SSBP2: variants seen among roughly 807,000 people sequenced by gnomAD.
SSBP2 encodes single stranded DNA binding protein 2.
SSBP2 carries 17 observed loss-of-function variants against 61.8 expected under a neutral mutation model. The observed-to-expected ratio is 0.28, with a 90% confidence interval of 0.19 to 0.41. The LOEUF (loss-of-function observed/expected upper bound fraction) is 0.41, where lower values mean the gene tolerates loss of function less well. Among genes scored for constraint, SSBP2 ranks in the 10% least tolerant of loss-of-function variants. The pLI, the probability that SSBP2 is intolerant of heterozygous loss-of-function variation, is 1.00. For synonymous variants in SSBP2, 139 were observed against 141.3 expected, an observed-to-expected ratio of 0.98 and a Z score of 0.12; for missense variants, 310 against 458.7, an observed-to-expected ratio of 0.68 and a Z score of 2.96.
chr5:81,685,743 T>A (rs895890068), intron 1 of SSBP2, among the ~76,000 whole-genome samples: 3 of 152,140 alleles, frequency 2.0e-5, no homozygotes, highest in Non-Finnish European at 4.4e-5. Context: ...CAGATGGGGT[T>A]CTAGATACCT....
intron 4 of SSBP2, among the ~76,000 whole-genome samples, chr5:81,590,890 C>G (rs943130645): frequency 6.6e-6 from 1 of 152,128 alleles, no homozygotes; most frequent in Non-Finnish European, 1.5e-5. Flanking sequence ...CATTCTAAAC[C>G]AGGACGTCCC....
intron 4 of SSBP2, among the ~76,000 whole-genome samples, chr5:81,553,376 G>A (rs1161543668): frequency 4.6e-5 from 7 of 152,050 alleles, no homozygotes; most frequent in Non-Finnish European, 7.4e-5. Flanking sequence ...AAGGGAAATA[G>A]CAGGATTGTG....
intron 1 of SSBP2, among the ~76,000 whole-genome samples, chr5:81,687,871 T>C (rs1391645683): frequency 2.0e-5 from 3 of 152,156 alleles, no homozygotes; most frequent in Non-Finnish European, 4.4e-5. Flanking sequence ...GTACTTGCTA[T>C]GGGTCTTGGG....
At chr5:81,496,248 C>T (rs182366257) in intron 5 of SSBP2, among the ~76,000 whole-genome samples, 75 of 152,150 alleles carry the variant, frequency 4.9e-4, no homozygotes, top group Non-Finnish European at 8.4e-4. Flanking sequence ...GGCGCGATCT[C>T]GGCTCACTGC....
chr5:81,602,576 C>T (rs1265424925), intron 4 of SSBP2, among the ~76,000 whole-genome samples: 2 of 152,158 alleles, frequency 1.3e-5, no homozygotes, highest in African/African-American at 2.4e-5. Context: ...TATAGTTACA[C>T]CTTAGTTTCA....
chr5:81,733,866 T>C (rs1160436125), intron 1 of SSBP2, among the ~76,000 whole-genome samples: 2 of 152,176 alleles, frequency 1.3e-5, no homozygotes, highest in African/African-American at 4.8e-5. Context: ...TTATTTCAAA[T>C]AGTTAAATGT....
In SSBP2 at chr5:81,416,681, T is replaced by C. The variant is rs1189005731; in HGVS notation, c.*3823A>G. ...CTTACTTATTTTCATTTGTTGTCTTTTAAACCACAGAAGTGCTAACTGAAT... is the reference window on the plus strand; with the variant it reads ...CTTACTTATTTTCATTTGTTGTCTTCTAAACCACAGAAGTGCTAACTGAAT... On this transcript the variant is annotated 3_prime_UTR_variant, in exon 17 of 17. Transcript: ENST00000320672. 1 of 152,218 alleles carries C rather than the reference T, an allele frequency of 6.6e-6. No individual in the cohort carries two copies. Among genetic ancestry groups the C allele is most frequent in the Admixed American group, 6.5e-5 (1 of 15,282 alleles). 9.4% of individuals were successfully genotyped at this position (152,218 alleles called of 1,614,324 possible).
At chr5:81,655,515 C>T (rs1057286775) in intron 1 of SSBP2, among the ~76,000 whole-genome samples, 1 of 152,088 alleles carries the variant, frequency 6.6e-6, no homozygotes, top group Non-Finnish European at 1.5e-5. Context: ...AACTGGATAT[C>T]AGTGACCAAG....
chr5:81,745,019 C>T (rs1338225651), intron 1 of SSBP2, among the ~76,000 whole-genome samples: 1 of 152,124 alleles, frequency 6.6e-6, no homozygotes, highest in African/African-American at 2.4e-5. Context: ...AAAACATTAA[C>T]AGTTCCATTT....
At chr5:81,642,536 CA>C (rs1181836723) in intron 2 of SSBP2, among the ~76,000 whole-genome samples, 2 of 152,054 alleles carry the variant, frequency 1.3e-5, no homozygotes, top group African/African-American at 4.8e-5. Flanking sequence ...GAATCATGAA[CA>C]AAAGGTATAT....
chr5:81,594,049 A>G (rs541847087), intron 4 of SSBP2, among the ~76,000 whole-genome samples: 34 of 151,434 alleles, frequency 2.2e-4, no homozygotes, highest in Non-Finnish European at 4.6e-4. Context: ...AGACTGGCAA[A>G]TTGGATAAAG....
At chr5:81,457,665 A>T (rs563247154) in intron 10 of SSBP2, among the ~76,000 whole-genome samples, 370 of 146,826 alleles carry the variant, frequency 2.5e-3, no homozygotes, top group South Asian at 6.1e-3. Flanking sequence ...AAAACACAAA[A>T]TTTTTTTTTT....
At chr5:81,503,279 C>A (rs1475866218) in intron 5 of SSBP2, among the ~76,000 whole-genome samples, 2 of 152,044 alleles carry the variant, frequency 1.3e-5, no homozygotes, top group African/African-American at 2.4e-5. Flanking sequence ...ACAGTGAAAC[C>A]CCATCTCTAC....
At chr5:81,444,043 T>C (rs372558327) in intron 12 of SSBP2, among the ~76,000 whole-genome samples, 11 of 152,330 alleles carry the variant, frequency 7.2e-5, no homozygotes, top group South Asian at 6.2e-4. Flanking sequence ...ACTTACAGAG[T>C]AGATCTCATG....
At position 81,414,695 on chromosome 5, in the gene SSBP2, G is replaced by C. The variant is rs1761241044; in HGVS notation, c.*5809C>G. The C allele has an allele frequency of 6.6e-6, 1 of 152,186 alleles. No homozygotes were observed. The highest frequency in any genetic ancestry group is 1.5e-5 in the Non-Finnish European group (1 of 68,038). The allele number at this position is 152,186 out of a possible 1,614,324, so 9.4% of individuals were successfully genotyped here. ...TTTAGATACAGTACCTTCAAAAGAA[G>C]GCCTAATGTGGACAAGCTAACATGG... On this transcript the variant is annotated 3_prime_UTR_variant, in exon 17 of 17. Coordinates refer to ENST00000320672, the MANE Select transcript of SSBP2 (RefSeq NM_012446.5).
intron 6 of SSBP2, among the ~76,000 whole-genome samples, chr5:81,481,286 ACTACAGATGGCAG>A (rs1382305209): frequency 2.0e-5 from 3 of 152,178 alleles, no homozygotes; most frequent in African/African-American, 7.2e-5. Flanking sequence ...CAGAGAAATC[ACTACAGATGGCAG>A]CTACAGCTTT....
intron 16 of SSBP2, among the ~76,000 whole-genome samples, chr5:81,426,132 T>C (rs1366576417): frequency 2.0e-5 from 3 of 152,252 alleles, no homozygotes; most frequent in African/African-American, 2.4e-5. Flanking sequence ...ATAACTAGCT[T>C]ATTTACTTCT....
At chr5:81,602,430 T>C (rs1460430969) in intron 4 of SSBP2, among the ~76,000 whole-genome samples, 1 of 152,142 alleles carries the variant, frequency 6.6e-6, no homozygotes, top group Non-Finnish European at 1.5e-5. Context: ...ATAAAGCCCT[T>C]AAGATTATTA....
At chr5:81,593,289 G>A (rs1476218144) in intron 4 of SSBP2, among the ~76,000 whole-genome samples, 1 of 152,100 alleles carries the variant, frequency 6.6e-6, no homozygotes, top group East Asian at 1.9e-4. Context: ...GAAGTTTAGA[G>A]AAAAAAGAAT....
Sources: allele counts gnomAD v4.1 joint callset (sites outside exome capture counted in the v4.1 genomes callset), GRCh38; gene constraint gnomAD v4.1.1; transcripts MANE v1.5; gene names NCBI Gene and HGNC (gene_info 2026-07-23, HGNC 2026-07-21).